HPCAL1: variants seen among roughly 807,000 people sequenced by gnomAD.
HPCAL1 encodes the protein hippocalcin like 1.
In HPCAL1, 8 loss-of-function variants were observed where a neutral mutation model predicts 17.1. The ratio of observed to expected loss-of-function variants is 0.47; its 90% CI spans 0.27 to 0.84. The LOEUF (loss-of-function observed/expected upper bound fraction) is 0.84. Among genes scored for constraint, HPCAL1 ranks in the 40% least tolerant of loss-of-function variants. HPCAL1 has a pLI of 0.13. For synonymous variants in HPCAL1, 112 were observed against 111.4 expected (o/e 1.01, Z -0.03); for missense variants, 165 against 271.1 (o/e 0.61, Z 2.75).
chr2:10,323,794 A>G lies in HPCAL1; in HGVS notation c.-111+20617A>G, dbSNP rs1663820035. ...GGATTCTTCCAGGCACTGGGGAGAC[A>G]TTTAAAAAACAATAACAACAACAAC... On this transcript the variant is annotated intron_variant, in intron 1 of 4. Transcript: ENST00000307845. This position sits in a 1 kb window ranked among gnomAD's most constrained non-coding sequence, Gnocchi z 4.6. 6.6e-6 allele frequency among the ~76,000 whole-genome samples: 1 copy of G among 152,224 alleles called. No homozygotes were observed. The highest frequency in any genetic ancestry group is 1.5e-5 in the Non-Finnish European group (1 of 68,030).
chr2:10,371,365 T>TA (rs1335235996), intron 1 of HPCAL1, among the ~76,000 whole-genome samples: 1 of 134,088 alleles, frequency 7.5e-6, no homozygotes, highest in Non-Finnish European at 1.5e-5. Flanking sequence ...AGAAGAGCTT[T>TA]TCCTAAATCA....
At chr2:10,316,093 T>C (rs1188532404) in intron 1 of HPCAL1, among the ~76,000 whole-genome samples, 1 of 152,052 alleles carries the variant, frequency 6.6e-6, no homozygotes, top group Non-Finnish European at 1.5e-5. Context: ...TAGAATATGG[T>C]TTTTCTTTTT....
chr2:10,414,603 C>T (rs1459267960), intron 2 of HPCAL1, among the ~76,000 whole-genome samples: 1 of 152,184 alleles, frequency 6.6e-6, no homozygotes, highest in Admixed American at 6.5e-5. Context: ...TTTCCAAGTA[C>T]AGTCCCATTC....
chr2:10,426,918 C>G lies in HPCAL1; in HGVS notation c.*97C>G. 5.2e-6 allele frequency: 6 copies of G among 1,147,018 alleles called. No individual in the cohort carries two copies. Among genetic ancestry groups the G allele is most frequent in the Non-Finnish European group, 7.7e-6 (6 of 777,012 alleles). The allele number at this position is 1,147,018 out of a possible 1,614,324, so 71.1% of individuals were successfully genotyped here. A position where few individuals can be genotyped will look rare whatever the true frequency, so the allele number is the denominator to read the frequency against. ...GATGCCCCGCAATCGTTCCTGCTCT[C>G]CCGGGCCCCGGGCCTGGGGCATGCG... On this transcript the variant is annotated 3_prime_UTR_variant, in exon 5 of 5. Coordinates refer to ENST00000307845, the MANE Select transcript of HPCAL1 (RefSeq NM_002149.4).
In HPCAL1 at chr2:10,304,119, G is replaced by C. The variant is rs1662458513; in HGVS notation, c.-111+942G>C. Among the ~76,000 whole-genome samples the C allele has an allele frequency of 1.3e-5, 2 of 152,182 alleles. No individual in the cohort carries two copies. The highest frequency in any genetic ancestry group is 4.8e-5 in the African/African-American group (2 of 41,448). On this transcript the variant is annotated intron_variant, in intron 1 of 4. Transcript: ENST00000307845. This position sits in a 1 kb window ranked among gnomAD's most constrained non-coding sequence, Gnocchi z 4.1. ...TTAGCTGCCAGCTGCGCTGCCTCCT[G>C]CAGCACCTCCCGGGCGGCGCCGCCT...
At chr2:10,328,425 A>G (rs1247442931) in intron 1 of HPCAL1, among the ~76,000 whole-genome samples, 1 of 152,218 alleles carries the variant, frequency 6.6e-6, no homozygotes, top group Non-Finnish European at 1.5e-5. Flanking sequence ...CATAATTTCA[A>G]GTTGTGTCTG....
intron 1 of HPCAL1, among the ~76,000 whole-genome samples, chr2:10,393,061 T>C (rs1668808643): frequency 6.6e-6 from 1 of 152,164 alleles, no homozygotes; most frequent in Admixed American, 6.5e-5. Flanking sequence ...GCCCAGCAGG[T>C]CTGTATGAAT....
At chr2:10,305,787 G>A (rs879059109) in intron 1 of HPCAL1, among the ~76,000 whole-genome samples, 1 of 152,226 alleles carries the variant, frequency 6.6e-6, no homozygotes, top group South Asian at 2.1e-4. Context: ...ACAGGGCTGT[G>A]CAGAATTAGA....
rs149954396 is a variant in HPCAL1 at position 10,420,042 on chromosome 2, C to A, written c.285C>A (p.Gly95=). Residue 95 remains glycine, a synonymous_variant, in exon 3 of 5, where the codon GGC becomes GGA. Transcript: ENST00000307845. The part of the protein sequence containing the change: ...FIIALSVTSR[G]KLEQKLKWAF... ...TTGCGCTGAGCGTGACCTCGCGGGG[C>A]AAGCTGGAGCAGAAGCTCAAGTGGG... The A allele has an allele frequency of 3.2e-4, 519 of 1,613,876 alleles. 1 individual carries two copies. The Middle Eastern group carries it at 3.5e-3, about 11-fold the overall frequency.
chr2:10,353,505 G>T (rs1665952888), intron 1 of HPCAL1, among the ~76,000 whole-genome samples: 1 of 152,212 alleles, frequency 6.6e-6, no homozygotes, highest in South Asian at 2.1e-4. Context: ...GTCTTTTAGA[G>T]AAGGCAGGAC....
intron 1 of HPCAL1, among the ~76,000 whole-genome samples, chr2:10,311,008 A>C (rs1662922875): frequency 6.6e-6 from 1 of 152,192 alleles, no homozygotes; most frequent in Non-Finnish European, 1.5e-5. Context: ...TATGTTGAAA[A>C]AAAATCATTT....
chr2:10,360,114 C>T (rs991956633), intron 1 of HPCAL1, among the ~76,000 whole-genome samples: 1 of 152,212 alleles, frequency 6.6e-6, no homozygotes, highest in Non-Finnish European at 1.5e-5. Context: ...GGACCCATGT[C>T]CTCATTCCCC....
In HPCAL1 at chr2:10,377,577, G is replaced by A. The variant is rs1486273438; in HGVS notation, c.-110-19258G>A. On this transcript the variant is annotated intron_variant, in intron 1 of 4. Coordinates refer to ENST00000307845, the MANE Select transcript of HPCAL1 (RefSeq NM_002149.4). The surrounding 1 kb of genome is among the most constrained non-coding windows in gnomAD (Gnocchi z 5.9). ...TGTCGGCAGGGCCCCTGCCACCTCT[G>A]AAGCCCCCTGCCAGCTCTCGGCAGC... Among the ~76,000 whole-genome samples, 2 of 151,980 alleles carry A rather than the reference G, an allele frequency of 1.3e-5. No individual in the cohort carries two copies. The highest frequency in any genetic ancestry group is 2.9e-5 in the Non-Finnish European group (2 of 67,996).
At chr2:10,388,082 C>G (rs1668439068) in intron 1 of HPCAL1, among the ~76,000 whole-genome samples, 1 of 152,126 alleles carries the variant, frequency 6.6e-6, no homozygotes, top group South Asian at 2.1e-4. Flanking sequence ...GACTAGGGTT[C>G]TAAGGTCTCC....
intron 2 of HPCAL1, among the ~76,000 whole-genome samples, chr2:10,409,755 C>T (rs1203736013): frequency 6.7e-6 from 1 of 150,326 alleles, no homozygotes; most frequent in African/African-American, 2.4e-5. Flanking sequence ...AACGCCTCTC[C>T]AGCCTCTTCC....
chr2:10,339,302 G>A (rs976291362), intron 1 of HPCAL1, among the ~76,000 whole-genome samples: 3 of 151,034 alleles, frequency 2.0e-5, no homozygotes, highest in Middle Eastern at 3.2e-3. Flanking sequence ...ACAGGTGGGC[G>A]CCACCATGCC....
At chr2:10,385,439 C>T (rs536250008) in intron 1 of HPCAL1, among the ~76,000 whole-genome samples, 28 of 152,144 alleles carry the variant, frequency 1.8e-4, no homozygotes, top group Non-Finnish European at 3.2e-4. Flanking sequence ...TCCAGGCTTG[C>T]TTCCCTGGCA....
chr2:10,368,235 A>ATG (rs56867598), intron 1 of HPCAL1, among the ~76,000 whole-genome samples: 19,443 of 142,136 alleles, frequency 0.14, 2,043 homozygotes, highest in African/African-American at 0.28. Context: ...ACACATATGC[A>ATG]TGTGTGTGTG....
intron 1 of HPCAL1, among the ~76,000 whole-genome samples, chr2:10,306,787 C>T (rs1462992429): frequency 6.6e-6 from 1 of 152,120 alleles, no homozygotes; most frequent in Non-Finnish European, 1.5e-5. Flanking sequence ...ACAGTAAATC[C>T]TTTAAAGAGC....
Sources: gnomAD v4.1 joint callset for allele counts (sites outside exome capture counted in the v4.1 genomes callset) on GRCh38, gnomAD v4.1.1 for gene constraint, Gnocchi (gnomAD v3.1) non-coding constraint, MANE v1.5 for transcripts, NCBI Gene and HGNC (gene_info 2026-07-23, HGNC 2026-07-21) for gene names.